PTPRG: variants seen among roughly 807,000 people sequenced by gnomAD.
The protein encoded by PTPRG is protein tyrosine phosphatase receptor type G.
In PTPRG, 102 loss-of-function variants were observed where a neutral mutation model predicts 165.3. The ratio of observed to expected loss-of-function variants is 0.62; its 90% CI spans 0.53 to 0.73. PTPRG has a LOEUF of 0.73. Ranked by LOEUF, PTPRG falls within the 30% of genes least tolerant of loss-of-function variation. The pLI is 0.00. For missense variants in PTPRG, 1,866 were observed against 1,861.4 expected (o/e 1.00, Z -0.05); for synonymous variants, 675 against 669.5 (o/e 1.01, Z -0.13).
At chr3:62,147,630 A>G (rs1704169707) in intron 6 of PTPRG, among the ~76,000 whole-genome samples, 1 of 152,226 alleles carries the variant, frequency 6.6e-6, no homozygotes, top group Non-Finnish European at 1.5e-5. Context: ...GGAGATGAGG[A>G]AAACAGTATC....
intron 2 of PTPRG, among the ~76,000 whole-genome samples, chr3:61,887,994 A>G (rs2038099222): frequency 1.3e-5 from 2 of 152,204 alleles, no homozygotes; most frequent in Admixed American, 1.3e-4. Context: ...AAACCAAAAA[A>G]CAACAAACAT....
chr3:62,075,007 G>A (rs537606154), intron 4 of PTPRG, among the ~76,000 whole-genome samples: 4 of 152,156 alleles, frequency 2.6e-5, no homozygotes, highest in East Asian at 1.9e-4. Flanking sequence ...AAATATTACC[G>A]TAATTTGTTA....
In PTPRG at chr3:62,152,459, G is replaced by T. The variant is rs142952303; in HGVS notation, c.683-4608G>T. On this transcript the variant is annotated intron_variant, in intron 6 of 29. Coordinates refer to ENST00000474889, the MANE Select transcript of PTPRG (RefSeq NM_002841.4). ...CAGTGGCTATACTCAGGAACCACCA[G>T]TCTTGAGTCTGGCCAGTTGAGCCCC... is the stretch of plus-strand genomic sequence containing the variant. Among the ~76,000 whole-genome samples the T allele has an allele frequency of 1.9e-3, 282 of 152,330 alleles. 1 individual carries two copies. Among genetic ancestry groups the T allele is most frequent in the Non-Finnish European group, 3.3e-3 (223 of 68,028 alleles).
chr3:62,107,225 T>C (rs1278096183), intron 5 of PTPRG, among the ~76,000 whole-genome samples: 1 of 152,234 alleles, frequency 6.6e-6, no homozygotes, highest in African/African-American at 2.4e-5. Flanking sequence ...AGTTACATCA[T>C]GGGAGCCAAC....
At chr3:61,808,518 C>G (rs1349818436) in intron 2 of PTPRG, among the ~76,000 whole-genome samples, 1 of 152,086 alleles carries the variant, frequency 6.6e-6, no homozygotes, top group Non-Finnish European at 1.5e-5. Flanking sequence ...CATAACCTTC[C>G]CAGGCAGGAA....
chr3:62,231,391 G>T, intron 14 of PTPRG, 80 bp downstream of exon 14: 5 of 1,199,700 alleles, frequency 4.2e-6, no homozygotes, highest in South Asian at 1.9e-5. Flanking sequence ...GTTGCCATGG[G>T]GATTGAAGTC....
intron 1 of PTPRG, among the ~76,000 whole-genome samples, chr3:61,631,081 G>GT (rs923404357): frequency 7.0e-4 from 102 of 146,684 alleles, no homozygotes; most frequent in African/African-American, 8.0e-4. Context: ...GAAAAAAAAA[G>GT]TTTTTTTTTT....
intron 2 of PTPRG, among the ~76,000 whole-genome samples, chr3:61,890,430 T>G (rs1440803227): frequency 1.3e-5 from 2 of 150,594 alleles, no homozygotes; most frequent in Non-Finnish European, 3.0e-5. Flanking sequence ...TTTGTTTTTT[T>G]TTTTTTTTAG....
chr3:62,281,754 TG>T, intron 27 of PTPRG, 45 bp downstream of exon 27: 4 of 1,521,818 alleles, frequency 2.6e-6, no homozygotes, highest in Non-Finnish European at 3.6e-6. Flanking sequence ...ACCTGGGCCC[TG>T]GATCATCATT....
intron 2 of PTPRG, among the ~76,000 whole-genome samples, chr3:61,805,012 C>G (rs998867862): frequency 2.6e-5 from 4 of 152,170 alleles, no homozygotes; most frequent in African/African-American, 9.7e-5. Flanking sequence ...TATGGTGGCT[C>G]CCAGCTTCAC....
intron 2 of PTPRG, among the ~76,000 whole-genome samples, chr3:61,956,233 T>C (rs2040025683): frequency 6.6e-6 from 1 of 152,132 alleles, no homozygotes; most frequent in African/African-American, 2.4e-5. Context: ...GTGTAACATA[T>C]GTATGTCCCC....
At chr3:62,276,021 TAC>T (rs1410911779) in intron 24 of PTPRG, 55 bp downstream of exon 24, 10 of 1,339,332 alleles carry the variant, frequency 7.5e-6, no homozygotes, top group Non-Finnish European at 1.1e-5. Flanking sequence ...GTATGTTAGG[TAC>T]AGAGGCAGCC....
intron 1 of PTPRG, among the ~76,000 whole-genome samples, chr3:61,727,005 C>A (rs962123472): frequency 4.6e-5 from 7 of 151,352 alleles, no homozygotes; most frequent in Non-Finnish European, 1.0e-4. Flanking sequence ...CGAGATTGTG[C>A]CACTGCAGTC....
chr3:61,733,502 T>A (rs956692620), intron 1 of PTPRG, among the ~76,000 whole-genome samples: 1 of 152,224 alleles, frequency 6.6e-6, no homozygotes, highest in Non-Finnish European at 1.5e-5. Context: ...ACATGAGATA[T>A]TTCAGTTGAA....
Position 61,593,400 on chromosome 3 carries a change from G to GA in PTPRG, c.85+31044dup, listed in dbSNP as rs4019828. Among the ~76,000 whole-genome samples, 546 of 139,206 alleles carry GA rather than the reference G, an allele frequency of 3.9e-3. 2 individuals are homozygous for GA. The highest frequency in any genetic ancestry group is 0.013 in the African/African-American group (465 of 35,128). The allele number at this position is 139,206 out of a possible 152,430, so 91.3% of individuals were successfully genotyped here. A position where few individuals can be genotyped will look rare whatever the true frequency, so the allele number is the denominator to read the frequency against. On this transcript the variant is annotated intron_variant, in intron 1 of 29. Transcript: ENST00000474889. Reference sequence around the variant, plus strand: ...TTAGCTAGGTAAAAATAATGAATTGGAAAAAAAAAAAAAAAACCAACCACA... The same window carrying GA: ...TTAGCTAGGTAAAAATAATGAATTGGAAAAAAAAAAAAAAAAACCAACCACA...
chr3:62,181,969 A>G (rs1705668658), intron 8 of PTPRG, among the ~76,000 whole-genome samples: 1 of 152,254 alleles, frequency 6.6e-6, no homozygotes, highest in Non-Finnish European at 1.5e-5. Context: ...CTTAAGCCTT[A>G]CCAGTAACAT....
At chr3:61,775,259 T>TG (rs560264187) in intron 2 of PTPRG, among the ~76,000 whole-genome samples, 223 of 152,208 alleles carry the variant, frequency 1.5e-3, no homozygotes, top group Non-Finnish European at 2.4e-3. Flanking sequence ...TTAGTTGAGA[T>TG]GGGGTTTCAC....
intron 1 of PTPRG, among the ~76,000 whole-genome samples, chr3:61,632,412 A>G (rs958084230): frequency 6.6e-6 from 1 of 152,234 alleles, no homozygotes; most frequent in Non-Finnish European, 1.5e-5. Flanking sequence ...TGAGTATGAA[A>G]GCAGGTTGAC....
At chr3:62,182,440 A>T (rs1018178231) in intron 8 of PTPRG, among the ~76,000 whole-genome samples, 1 of 152,164 alleles carries the variant, frequency 6.6e-6, no homozygotes, top group Non-Finnish European at 1.5e-5. Flanking sequence ...CTTTTTTGCT[A>T]TCTAAGTTCA....
Sources: allele counts gnomAD v4.1 joint callset (sites outside exome capture counted in the v4.1 genomes callset), GRCh38; gene constraint gnomAD v4.1.1; transcripts MANE v1.5; gene names NCBI Gene and HGNC (gene_info 2026-07-23, HGNC 2026-07-21).